ERBB4: variants seen among roughly 807,000 people sequenced by gnomAD.
The protein encoded by ERBB4 is receptor tyrosine-protein kinase erbB-4.
In ERBB4, 42 loss-of-function variants were observed where a neutral mutation model predicts 158.0. That is an observed-to-expected ratio of 0.27 (90% CI 0.21 to 0.34). The LOEUF is 0.34. Ranked by LOEUF, ERBB4 falls within the 10% of genes least tolerant of loss-of-function variation. ERBB4 has a pLI of 1.00. For missense variants in ERBB4, 1,333 were observed against 1,624.1 expected, an observed-to-expected ratio of 0.82 and a Z score of 3.08; for synonymous variants, 583 against 558.7, an observed-to-expected ratio of 1.04 and a Z score of -0.61.
intron 3 of ERBB4, among the ~76,000 whole-genome samples, chr2:211,852,979 T>C (rs2077755884): frequency 6.6e-6 from 1 of 152,042 alleles, no homozygotes; most frequent in Non-Finnish European, 1.5e-5. Flanking sequence ...CATGTGACTG[T>C]TGTTGGTCTA....
At chr2:212,458,961 T>G (rs1688439556) in intron 1 of ERBB4, among the ~76,000 whole-genome samples, 1 of 152,184 alleles carries the variant, frequency 6.6e-6, no homozygotes, top group South Asian at 2.1e-4. Context: ...AATGAATGAA[T>G]GAGTTACATT....
intron 3 of ERBB4, 88 bp downstream of exon 3, chr2:211,947,342 A>G (rs533987766): frequency 1.9e-5 from 20 of 1,077,048 alleles, no homozygotes; most frequent in Admixed American, 1.1e-4. Flanking sequence ...GTGTTCCTCA[A>G]TGTAACAAAT....
chr2:211,453,050 T>C (rs375801744), intron 20 of ERBB4, among the ~76,000 whole-genome samples: 3 of 152,310 alleles, frequency 2.0e-5, no homozygotes, highest in East Asian at 1.9e-4. Flanking sequence ...TTCTTTTCTC[T>C]ACTACCAGAT....
At position 212,240,637 on chromosome 2, in the gene ERBB4, C is replaced by CAAAAAAA. The variant is rs71054188; in HGVS notation, c.83-115741_83-115735dup. ...TGGGCAACAGAGCGACACTCTGGCT[C>CAAAAAAA]AAAAAAAAAAAAAAAAAAAAAAAAA... On this transcript the variant is annotated intron_variant, in intron 1 of 27. Transcript: ENST00000342788. Among the ~76,000 whole-genome samples, 81 of 35,780 alleles carry CAAAAAAA rather than the reference C, an allele frequency of 2.3e-3. 11 individuals are homozygous for CAAAAAAA. The highest frequency in any genetic ancestry group is 6.2e-3 in the African/African-American group (58 of 9,318). 23.5% of individuals were successfully genotyped at this position (35,780 alleles called of 152,430 possible). A position where few individuals can be genotyped will look rare whatever the true frequency, so the allele number is the denominator to read the frequency against.
chr2:211,550,991 A>G (rs2067079561), intron 20 of ERBB4, among the ~76,000 whole-genome samples: 1 of 151,166 alleles, frequency 6.6e-6, no homozygotes. Flanking sequence ...CCCAGGCTGG[A>G]GTGCAGTGGT....
intron 2 of ERBB4, among the ~76,000 whole-genome samples, chr2:212,123,517 T>C (rs1342827056): frequency 1.3e-5 from 2 of 152,184 alleles, no homozygotes; most frequent in Non-Finnish European, 2.9e-5. Context: ...GACATCAAAA[T>C]TAAACATCAT....
chr2:211,646,907 T>C (rs2070798473), intron 16 of ERBB4, among the ~76,000 whole-genome samples: 1 of 151,694 alleles, frequency 6.6e-6, no homozygotes, highest in African/African-American at 2.4e-5. Flanking sequence ...TGTGGATTAA[T>C]GTCAGAATAT....
intron 3 of ERBB4, among the ~76,000 whole-genome samples, chr2:211,873,565 AG>A: frequency 6.6e-6 from 1 of 152,264 alleles, no homozygotes; most frequent in Non-Finnish European, 1.5e-5. Context: ...TTTCCCCAAA[AG>A]TAGTGTTGTA....
Position 211,610,489 on chromosome 2 carries a change from C to T in ERBB4, c.2301+8688G>A, listed in dbSNP as rs532819020. ...TTCTGGTGTTTGCTTGTCCTTTGGG[C>T]AAAAGATTTCTACCTGCATTTTATG... is the stretch of plus-strand genomic sequence containing the variant. On this transcript the variant is annotated intron_variant, in intron 19 of 27. Coordinates refer to ENST00000342788, the MANE Select transcript of ERBB4 (RefSeq NM_005235.3). Among the ~76,000 whole-genome samples the T allele has an allele frequency of 4.6e-5, 7 of 152,196 alleles. No individual in the cohort carries two copies. The East Asian group carries it at 1.4e-3, about 29-fold the overall frequency.
At chr2:211,662,455 A>G (rs2071465288) in intron 15 of ERBB4, among the ~76,000 whole-genome samples, 1 of 152,224 alleles carries the variant, frequency 6.6e-6, no homozygotes, top group African/African-American at 2.4e-5. Context: ...ATATAAATTA[A>G]ATAATATAAA....
At chr2:211,496,762 T>A (rs2065479310) in intron 20 of ERBB4, among the ~76,000 whole-genome samples, 1 of 152,104 alleles carries the variant, frequency 6.6e-6, no homozygotes, top group East Asian at 1.9e-4. Flanking sequence ...ATGCCAGAAA[T>A]ATTTCTGCCT....
intron 1 of ERBB4, among the ~76,000 whole-genome samples, chr2:212,513,464 G>A (rs1457172841): frequency 2.0e-5 from 3 of 152,166 alleles, no homozygotes; most frequent in African/African-American, 4.8e-5. Context: ...ACAGCCCTGA[G>A]AAGTAAAAGT....
At chr2:212,284,001 A>C (rs1272755274) in intron 1 of ERBB4, among the ~76,000 whole-genome samples, 1 of 151,550 alleles carries the variant, frequency 6.6e-6, no homozygotes, top group Non-Finnish European at 1.5e-5. Flanking sequence ...AAAAACTTCA[A>C]ATAAACTTCC....
chr2:211,906,535 A>G (rs1409161147), intron 3 of ERBB4, among the ~76,000 whole-genome samples: 1 of 147,662 alleles, frequency 6.8e-6, no homozygotes, highest in Non-Finnish European at 1.5e-5. Flanking sequence ...ATTGATATCT[A>G]TGATAGATAG....
chr2:211,694,161 G>A (rs2072924127), intron 12 of ERBB4, among the ~76,000 whole-genome samples: 1 of 152,012 alleles, frequency 6.6e-6, no homozygotes, highest in Non-Finnish European at 1.5e-5. Context: ...AGATACCAGG[G>A]GTCAGGACTT....
At chr2:211,885,925 C>T (rs1195261607) in intron 3 of ERBB4, among the ~76,000 whole-genome samples, 1 of 151,978 alleles carries the variant, frequency 6.6e-6, no homozygotes, top group African/African-American at 2.4e-5. Context: ...AAATCATAGA[C>T]CAAGTTATAT....
chr2:211,736,593 T>C (rs1356824440), intron 5 of ERBB4, among the ~76,000 whole-genome samples: 3 of 152,176 alleles, frequency 2.0e-5, no homozygotes, highest in African/African-American at 7.2e-5. Context: ...AATTCAGGAA[T>C]TTAGAGCCAC....
intron 1 of ERBB4, among the ~76,000 whole-genome samples, chr2:212,155,233 C>G (rs1474061539): frequency 6.6e-6 from 1 of 151,922 alleles, no homozygotes; most frequent in African/African-American, 2.4e-5. Context: ...TAATTATTTA[C>G]CCACACAAAA....
intron 9 of ERBB4, among the ~76,000 whole-genome samples, chr2:211,709,248 T>C (rs1421378891): frequency 6.1e-5 from 5 of 82,298 alleles, no homozygotes; most frequent in South Asian, 6.9e-4. Context: ...TATATATATA[T>C]ATACACATAT....
Sources: allele counts gnomAD v4.1 joint callset (sites outside exome capture counted in the v4.1 genomes callset), GRCh38; gene constraint gnomAD v4.1.1; transcripts MANE v1.5; gene names NCBI Gene and HGNC (gene_info 2026-07-23, HGNC 2026-07-21).